Variants in MTHFD1 observed in about 807,000 individuals in gnomAD.
MTHFD1 encodes the protein C-1-tetrahydrofolate synthase, cytoplasmic.
Under a neutral mutation model 110.3 loss-of-function variants are expected in MTHFD1, and 44 were observed. The ratio of observed to expected loss-of-function variants is 0.40; its 90% CI spans 0.31 to 0.51. The LOEUF is 0.51. Among genes scored for constraint, MTHFD1 ranks in the 20% least tolerant of loss-of-function variants. MTHFD1 has a pLI of 0.60. For missense variants in MTHFD1, 909 were observed against 1,173.1 expected, an observed-to-expected ratio of 0.77 and a Z score of 3.29; for synonymous variants, 402 against 428.8, an observed-to-expected ratio of 0.94 and a Z score of 0.77.
chr14:64,457,870 T>G (rs1022467990), intron 26 of MTHFD1: 6 of 368,126 alleles, frequency 1.6e-5, no homozygotes, highest in African/African-American at 1.2e-4. Flanking sequence ...GCCTTGGGCT[T>G]TCTTTCTGAA....
In MTHFD1 at chr14:64,441,460, A is replaced by G. The variant is rs182939302; in HGVS notation, c.1884+7A>G. On this transcript the variant is annotated splice_region_variant and intron_variant, in intron 19 of 27. Transcript: ENST00000652337. The stretch of plus-strand genomic sequence containing the variant: ...TCTCATGCAGACACTGGAGGTGAGC[A>G]GAGTGACTCCTGCCTTCTTGAATTG... 3 of 1,613,874 alleles carry G rather than the reference A, an allele frequency of 1.9e-6. No homozygotes were observed. In the African/African-American group the frequency reaches 4.0e-5, roughly 22 times the overall value.
rs1190681874 is a variant in MTHFD1, at chr14:64,397,181, A to G, written c.42-3612A>G. Reference sequence around the variant, plus strand: ...TATATATATATATATATATATATATATATATATATAAAAAACAGTAATCTA... The same window carrying G: ...TATATATATATATATATATATATATGTATATATATAAAAAACAGTAATCTA... On this transcript the variant is annotated intron_variant, in intron 1 of 27. Coordinates refer to ENST00000652337, the MANE Select transcript of MTHFD1 (RefSeq NM_005956.4). 7.5e-4 allele frequency among the ~76,000 whole-genome samples: 12 copies of G among 15,990 alleles called. 1 individual carries two copies. Among genetic ancestry groups the G allele is most frequent in the Non-Finnish European group, 1.4e-3 (12 of 8,732 alleles). The allele number at this position is 15,990 out of a possible 152,430, so 10.5% of individuals were successfully genotyped here. A position where few individuals can be genotyped will look rare whatever the true frequency, so the allele number is the denominator to read the frequency against.
Position 64,417,812 on chromosome 14 carries a change from C to T in MTHFD1, c.479-76C>T. The T allele has an allele frequency of 6.3e-7, 1 of 1,587,892 alleles. No homozygotes were observed. Among genetic ancestry groups the T allele is most frequent in the East Asian group, 2.2e-5 (1 of 44,766 alleles). On this transcript the variant is annotated intron_variant, in intron 6 of 27. Transcript: ENST00000652337. This position sits in a 1 kb window ranked among gnomAD's most constrained non-coding sequence, Gnocchi z 4.4. Reference sequence around the variant, plus strand: ...AAGAACCTGTTTTTGTGCACTTATTCTAATTTCTCCACGTGGCATGCGAAG... The same window carrying T: ...AAGAACCTGTTTTTGTGCACTTATTTTAATTTCTCCACGTGGCATGCGAAG...
At chr14:64,401,402 A>G (rs2077895641) in intron 2 of MTHFD1, among the ~76,000 whole-genome samples, 1 of 152,170 alleles carries the variant, frequency 6.6e-6, no homozygotes, top group South Asian at 2.1e-4. Context: ...TGTTTACTAT[A>G]TTAGAAATTA....
chr14:64,449,788 C>T (rs2078340872), intron 24 of MTHFD1, 166 bp downstream of exon 24: 1 of 812,626 alleles, frequency 1.2e-6, no homozygotes, highest in South Asian at 1.5e-5. Context: ...CAGCTGTAGA[C>T]AGCCTTCTTT....
In MTHFD1 at chr14:64,427,326, T is replaced by C; in HGVS notation, c.1128-11T>C. On this transcript the variant is annotated splice_polypyrimidine_tract_variant and intron_variant, in intron 11 of 27. Coordinates refer to ENST00000652337, the MANE Select transcript of MTHFD1 (RefSeq NM_005956.4). ...CTTTAAACCTTTTTCTCTTTTGCTT[T>C]CGTCTTGAAGAATAACTCCAACACC... The C allele has an allele frequency of 6.2e-7, 1 of 1,614,162 alleles. No homozygotes were observed. The highest frequency in any genetic ancestry group is 1.7e-4 in the Middle Eastern group (1 of 5,996).
At chr14:64,440,433 A>G in intron 18 of MTHFD1, 167 bp downstream of exon 18, 1 of 856,234 alleles carries the variant, frequency 1.2e-6, no homozygotes. Context: ...AATGTTTAAA[A>G]AGTACATCAG....
intron 22 of MTHFD1, among the ~76,000 whole-genome samples, chr14:64,447,526 C>T (rs2078302189): frequency 7.0e-6 from 1 of 142,204 alleles, no homozygotes; most frequent in African/African-American, 2.7e-5. Context: ...CTAGGCTTGT[C>T]TCAAACTCCT....
At chr14:64,447,735 A>G (rs1234121805) in intron 22 of MTHFD1, among the ~76,000 whole-genome samples, 1 of 152,168 alleles carries the variant, frequency 6.6e-6, no homozygotes, top group African/African-American at 2.4e-5. Context: ...CGGCAGCCAT[A>G]TAACGAATAC....
intron 8 of MTHFD1, among the ~76,000 whole-genome samples, chr14:64,423,276 G>A (rs1481693290): frequency 1.3e-5 from 2 of 152,072 alleles, no homozygotes; most frequent in African/African-American, 4.8e-5. Context: ...TCTTGCGTTT[G>A]GAGGCTGCTT....
At chr14:64,420,992 C>T (rs542270037) in intron 8 of MTHFD1, among the ~76,000 whole-genome samples, 69 of 152,308 alleles carry the variant, frequency 4.5e-4, no homozygotes, top group African/African-American at 1.3e-3. Flanking sequence ...CAATCTTTAA[C>T]GGAGCAACTA....
chr14:64,407,164 C>T (rs964613334), intron 2 of MTHFD1, among the ~76,000 whole-genome samples: 4 of 152,080 alleles, frequency 2.6e-5, no homozygotes, highest in African/African-American at 7.2e-5. Flanking sequence ...CTTGACTTTT[C>T]ATTATAAGAG....
At chr14:64,443,578 G>A (rs1025536536) in intron 21 of MTHFD1, among the ~76,000 whole-genome samples, 5 of 152,130 alleles carry the variant, frequency 3.3e-5, no homozygotes, top group African/African-American at 1.2e-4. Flanking sequence ...TGGGTCCCCG[G>A]AGCACACTGG....
intron 22 of MTHFD1, chr14:64,445,201 A>G (rs2078280625): frequency 4.7e-6 from 1 of 212,196 alleles, no homozygotes; most frequent in Admixed American, 5.2e-5. Flanking sequence ...GTTCCCTTCC[A>G]TTGTCTTCCC....
intron 27 of MTHFD1, among the ~76,000 whole-genome samples, chr14:64,458,956 A>C (rs2078519787): frequency 1.3e-5 from 2 of 152,212 alleles, no homozygotes; most frequent in African/African-American, 4.8e-5. Flanking sequence ...CAAAAATATC[A>C]AACATGAAAA....
chr14:64,405,621 A>G lies in MTHFD1; in HGVS notation c.126+4744A>G, dbSNP rs755096385. ...GCATCCAGTTAGGGGCTATTGTCCT[A>G]TTGATTGTGCCTCTCATCAACTCTT... On this transcript the variant is annotated intron_variant, in intron 2 of 27. Coordinates refer to ENST00000652337, the MANE Select transcript of MTHFD1 (RefSeq NM_005956.4). Among the ~76,000 whole-genome samples the G allele has an allele frequency of 9.7e-4, 148 of 152,244 alleles. 1 individual carries two copies. The highest frequency in any genetic ancestry group is 4.4e-4 in the Non-Finnish European group (30 of 68,012).
intron 21 of MTHFD1, 138 bp from the exon 22 acceptor site, chr14:64,444,555 T>G: frequency 1.0e-6 from 1 of 963,128 alleles, no homozygotes; most frequent in South Asian, 1.3e-5. Flanking sequence ...CCCTAAGTCC[T>G]TAGGGCAGGA....
At chr14:64,413,934 A>G (rs1253839297) in intron 4 of MTHFD1, among the ~76,000 whole-genome samples, 1 of 152,152 alleles carries the variant, frequency 6.6e-6, no homozygotes, top group Non-Finnish European at 1.5e-5. Flanking sequence ...AGCTCAAGTG[A>G]TCCTCCCACC....
In MTHFD1 at chr14:64,417,311, G is replaced by C. The variant is rs2078032176; in HGVS notation, c.479-577G>C. On this transcript the variant is annotated intron_variant, in intron 6 of 27. Coordinates refer to ENST00000652337, the MANE Select transcript of MTHFD1 (RefSeq NM_005956.4). This position sits in a 1 kb window ranked among gnomAD's most constrained non-coding sequence, Gnocchi z 4.4. ...ACATTGGTATATTGCCAGAAAAATG[G>C]ATGCTGTGATAGCAAAAAGAAAGCT... Among the ~76,000 whole-genome samples, 1 of 152,212 alleles carries C rather than the reference G, an allele frequency of 6.6e-6. No individual in the cohort carries two copies. The highest frequency in any genetic ancestry group is 1.5e-5 in the Non-Finnish European group (1 of 68,034).
Sources: gnomAD v4.1 joint callset for allele counts (sites outside exome capture counted in the v4.1 genomes callset) on GRCh38, gnomAD v4.1.1 for gene constraint, Gnocchi (gnomAD v3.1) non-coding constraint, MANE v1.5 for transcripts, NCBI Gene and HGNC (gene_info 2026-07-23, HGNC 2026-07-21) for gene names.